MYT1L: variants seen among roughly 807,000 people sequenced by gnomAD.
MYT1L encodes the protein myelin transcription factor 1 like, also known as myelin transcription factor 1-like protein.
Under a neutral mutation model 126.7 loss-of-function variants are expected in MYT1L, and 12 were observed. The ratio of observed to expected loss-of-function variants is 0.09; its 90% CI spans 0.06 to 0.15. The LOEUF (loss-of-function observed/expected upper bound fraction) is 0.15, where lower values mean the gene tolerates loss of function less well. Among genes scored for constraint, MYT1L ranks in the 10% least tolerant of loss-of-function variants. The pLI is 1.00. For synonymous variants in MYT1L, 541 were observed against 604.2 expected (o/e 0.90, Z 1.53); for missense variants, 979 against 1,585.2 (o/e 0.62, Z 6.49).
chr2:2,009,893 T>TA (rs1558726807), intron 4 of MYT1L, among the ~76,000 whole-genome samples: 2 of 148,140 alleles, frequency 1.4e-5, no homozygotes, highest in South Asian at 4.3e-4. Context: ...CCTAAACTGT[T>TA]AAGAGTTTTT....
chr2:2,078,822 C>T (rs2075499807), intron 3 of MYT1L, among the ~76,000 whole-genome samples: 1 of 152,196 alleles, frequency 6.6e-6, no homozygotes, highest in African/African-American at 2.4e-5. Flanking sequence ...AATATCAGTA[C>T]ACCATAATCA....
intron 2 of MYT1L, among the ~76,000 whole-genome samples, chr2:2,218,959 T>C (rs115708272): frequency 1.6e-3 from 244 of 152,322 alleles, no homozygotes; most frequent in African/African-American, 5.8e-3. Context: ...ACAGAGCCTT[T>C]CATTCCATCA....
intron 2 of MYT1L, among the ~76,000 whole-genome samples, chr2:2,264,654 G>T (rs1312535082): frequency 6.6e-6 from 1 of 152,044 alleles, no homozygotes. Context: ...TCCTCCTGTG[G>T]GCTGAGGACG....
At chr2:1,885,250 G>C (rs1047095998) in intron 18 of MYT1L, 4 of 152,606 alleles carry the variant, frequency 2.6e-5, no homozygotes, top group South Asian at 2.1e-4. Flanking sequence ...TACAAAAGAC[G>C]CCTGAACAAA....
intron 1 of MYT1L, chr2:2,325,318 C>T (rs1333798468): frequency 3.3e-5 from 5 of 152,144 alleles, no homozygotes; most frequent in African/African-American, 7.2e-5. Context: ...GGGTTGCCAA[C>T]CTCACTATAT....
chr2:2,273,262 G>A (rs1472816764), intron 2 of MYT1L, among the ~76,000 whole-genome samples: 2 of 152,148 alleles, frequency 1.3e-5, no homozygotes, highest in African/African-American at 4.8e-5. Flanking sequence ...ACTAAATAGT[G>A]AGGGAGAAGA....
rs1174993148 is a variant in MYT1L, at chr2:1,790,509, G to A, written c.*1358C>T. The A allele has an allele frequency of 6.6e-6, 1 of 152,222 alleles. No homozygotes were observed. The highest frequency in any genetic ancestry group is 1.5e-5 in the Non-Finnish European group (1 of 68,064). 9.4% of individuals were successfully genotyped at this position (152,222 alleles called of 1,614,324 possible). A position where few individuals can be genotyped will look rare whatever the true frequency, so the allele number is the denominator to read the frequency against. On this transcript the variant is annotated 3_prime_UTR_variant, in exon 25 of 25. Transcript: ENST00000647738. ...ATCTAGTTTAAAGCAAAAAAGTGCT[G>A]AAGTATATTTAGTTACTTTTAAAAT...
At position 1,917,588 on chromosome 2, in the gene MYT1L, A is replaced by C. The variant is rs1455924233; in HGVS notation, c.1484-249T>G. Reference sequence around the variant, plus strand: ...TAAAGAAAAGAAAAGCCTACCCCTCACCTTAACTCTGATTCATTATTTTCC... The same window carrying C: ...TAAAGAAAAGAAAAGCCTACCCCTCCCCTTAACTCTGATTCATTATTTTCC... On this transcript the variant is annotated intron_variant, in intron 10 of 24. Transcript: ENST00000647738. This position sits in a 1 kb window ranked among gnomAD's most constrained non-coding sequence, Gnocchi z 5.9. Among the ~76,000 whole-genome samples the C allele has an allele frequency of 6.6e-6, 1 of 152,216 alleles. No individual in the cohort carries two copies. Among genetic ancestry groups the C allele is most frequent in the African/African-American group, 2.4e-5 (1 of 41,466 alleles).
At chr2:1,994,787 T>A (rs2061699858) in intron 5 of MYT1L, among the ~76,000 whole-genome samples, 1 of 152,222 alleles carries the variant, frequency 6.6e-6, no homozygotes, top group South Asian at 2.1e-4. Context: ...TTCAAATATG[T>A]TTTGCCATAG....
chr2:1,907,774 C>T (rs572894453), intron 13 of MYT1L, among the ~76,000 whole-genome samples: 79 of 152,378 alleles, frequency 5.2e-4, no homozygotes, highest in African/African-American at 1.9e-3. Flanking sequence ...CCTGTCTCTT[C>T]CTTTTCCACT....
chr2:2,117,791 A>G (rs933038478), intron 3 of MYT1L, among the ~76,000 whole-genome samples: 2 of 152,212 alleles, frequency 1.3e-5, no homozygotes, highest in Non-Finnish European at 2.9e-5. Context: ...CTAGATAGCA[A>G]TGAGGAAGCT....
chr2:2,123,138 G>A (rs115368638), intron 3 of MYT1L, among the ~76,000 whole-genome samples: 2,493 of 152,188 alleles, frequency 0.016, 54 homozygotes, highest in African/African-American at 0.056. Flanking sequence ...CATCACTGCC[G>A]GATGAAACTC....
chr2:2,214,481 A>C (rs1035769221), intron 2 of MYT1L, among the ~76,000 whole-genome samples: 4 of 152,082 alleles, frequency 2.6e-5, no homozygotes, highest in Non-Finnish European at 1.5e-5. Context: ...ATAATAGGGA[A>C]AAAAAGGTGT....
chr2:1,997,195 C>G lies in MYT1L; in HGVS notation c.-5G>C, dbSNP rs563123281. On this transcript the variant is annotated 5_prime_UTR_variant, in exon 5 of 25. Coordinates refer to ENST00000647738, the MANE Select transcript of MYT1L (RefSeq NM_001303052.2). The stretch of plus-strand genomic sequence containing the variant: ...GTGTAGACGGGCCGCCTTTACCTTA[C>G]AGGAAGTCTTCTCTCCTAGGAACGG... The G allele has an allele frequency of 1.3e-5, 2 of 153,164 alleles. No individual in the cohort carries two copies. Among genetic ancestry groups the G allele is most frequent in the East Asian group, 3.9e-4 (2 of 5,176 alleles). 9.5% of individuals were successfully genotyped at this position (153,164 alleles called of 1,614,324 possible). A position where few individuals can be genotyped will look rare whatever the true frequency, so the allele number is the denominator to read the frequency against.
At chr2:2,162,068 T>G (rs919476186) in intron 3 of MYT1L, among the ~76,000 whole-genome samples, 2 of 152,126 alleles carry the variant, frequency 1.3e-5, no homozygotes, top group African/African-American at 4.8e-5. Context: ...CGGCCAGAAG[T>G]CAGTCTGTGC....
At chr2:2,325,911 G>A (rs946811253) in intron 1 of MYT1L, 6 of 152,308 alleles carry the variant, frequency 3.9e-5, no homozygotes, top group African/African-American at 1.4e-4. Flanking sequence ...GCTGGAGATA[G>A]GCAGGCAGGT....
chr2:2,042,854 C>A (rs1242853381), intron 4 of MYT1L, among the ~76,000 whole-genome samples: 1 of 152,190 alleles, frequency 6.6e-6, no homozygotes, highest in African/African-American at 2.4e-5. Context: ...CAGGCGATAG[C>A]CTCCCAGGCC....
intron 2 of MYT1L, among the ~76,000 whole-genome samples, chr2:2,223,637 T>A (rs748437509): frequency 6.6e-6 from 1 of 152,204 alleles, no homozygotes; most frequent in African/African-American, 2.4e-5. Context: ...TGCCCTCATA[T>A]TTTTTTACAA....
chr2:2,101,247 C>A (rs758243852), intron 3 of MYT1L, among the ~76,000 whole-genome samples: 2 of 152,034 alleles, frequency 1.3e-5, no homozygotes, highest in African/African-American at 2.4e-5. Flanking sequence ...CACCAATTGG[C>A]AGATCTCACC....
Sources: allele counts gnomAD v4.1 joint callset (sites outside exome capture counted in the v4.1 genomes callset), GRCh38; gene constraint gnomAD v4.1.1; non-coding constraint Gnocchi (gnomAD v3.1); transcripts MANE v1.5; gene names NCBI Gene and HGNC (gene_info 2026-07-23, HGNC 2026-07-21).